The following TOP1MT variants were observed in gnomAD, a reference collection of about 807,000 sequenced individuals.
TOP1MT encodes DNA topoisomerase I, mitochondrial.
In TOP1MT, 80 loss-of-function variants were observed where a neutral mutation model predicts 73.9. The observed-to-expected ratio is 1.08, with a 90% CI of 0.90 to 1.30. The LOEUF (loss-of-function observed/expected upper bound fraction) is 1.30. Among genes scored for constraint, TOP1MT ranks in the 50% most tolerant of loss-of-function variants. The pLI is 0.00. For synonymous variants in TOP1MT, 338 were observed against 326.4 expected (o/e 1.04, Z -0.38); for missense variants, 815 against 808.0 (o/e 1.01, Z -0.10).
chr8:143,314,526 G>A (rs1160780703), intron 12 of TOP1MT, among the ~76,000 whole-genome samples: 2 of 151,080 alleles, frequency 1.3e-5, no homozygotes, highest in East Asian at 2.0e-4. Context: ...CCCGGGAGGC[G>A]GAGGTTGCAG....
chr8:143,353,244 A>C (rs1299085720), intron 1 of TOP1MT, among the ~76,000 whole-genome samples: 1 of 152,116 alleles, frequency 6.6e-6, no homozygotes, highest in East Asian at 1.9e-4. Flanking sequence ...GGGAGACCCC[A>C]TCTCTACCAA....
chr8:143,310,209 T>C lies in TOP1MT; in HGVS notation c.1562A>G (p.Glu521Gly), dbSNP rs572324632. ...CTTCTCCAGGAGCCGCCTCTTCTTC[T>C]CCAGGACACTGGCAAGAGAAGAGGA... Reference protein sequence around the residue: ...QGDGKSRSVLEKKRRLLEKLQ... With the variant: ...QGDGKSRSVLGKKRRLLEKLQ... The change falls in exon 13 of 14, where the codon GAG becomes GGG. Residue 521 changes from glutamate (E) to glycine (G), a missense_variant. Glu to Gly is a moderately conservative substitution (Grantham distance 98). Around this residue, in one of 3 missense-constraint regions of TOP1MT, gnomAD observed 751 missense variants for 725.4 expected, o/e 1.04. Transcript: ENST00000329245. 1 of 1,565,542 alleles carries C rather than the reference T, an allele frequency of 6.4e-7. No homozygotes were observed. Among genetic ancestry groups the C allele is most frequent in the African/African-American group, 1.4e-5 (1 of 73,626 alleles).
At chr8:143,331,395 T>C in intron 1 of TOP1MT, 56 bp from the exon 2 acceptor site, 2 of 1,464,146 alleles carry the variant, frequency 1.4e-6, no homozygotes, top group Non-Finnish European at 1.9e-6. Context: ...CATGAGCCTC[T>C]TCCCCGCTCC....
intron 12 of TOP1MT, among the ~76,000 whole-genome samples, chr8:143,313,903 C>T (rs75795354): frequency 0.02 from 3,095 of 151,550 alleles, 109 homozygotes; most frequent in African/African-American, 0.071. Context: ...CAAGAGTGGG[C>T]GAAACATCGA....
intron 1 of TOP1MT, among the ~76,000 whole-genome samples, chr8:143,333,533 T>C (rs2130349282): frequency 6.6e-6 from 1 of 152,330 alleles, no homozygotes; most frequent in South Asian, 2.1e-4. Context: ...GGTAGTCACA[T>C]CACCAGTCTC....
intron 1 of TOP1MT, among the ~76,000 whole-genome samples, chr8:143,331,583 CCAAGCCCAGCTAAGCGGGAAAGGG>C (rs1436242049): frequency 6.6e-6 from 1 of 152,316 alleles, no homozygotes; most frequent in African/African-American, 2.4e-5. Context: ...ACGGATCCCA[CCAAGCCCAGCTAAGCGGGAAAGGG>C]CAAGCCCAGC....
intron 1 of TOP1MT, chr8:143,343,447 A>G (rs1817166763): frequency 2.9e-6 from 1 of 350,214 alleles, no homozygotes; most frequent in African/African-American, 2.1e-5. Context: ...CTGGTGACCC[A>G]CGTGCTGGGC....
rs1420531347 is a variant in TOP1MT at position 143,321,956 on chromosome 8, C to T, written c.961-570G>A. Among the ~76,000 whole-genome samples, 99 of 130,532 alleles carry T rather than the reference C, an allele frequency of 7.6e-4. 2 individuals carry two copies. Among genetic ancestry groups the T allele is most frequent in the African/African-American group, 2.8e-3 (93 of 33,544 alleles). The allele number at this position is 130,532 out of a possible 152,430, so 85.6% of individuals were successfully genotyped here. On this transcript the variant is annotated intron_variant, in intron 7 of 13. Transcript: ENST00000329245. ...GCCACACACGCACGCCACACACGCA[C>T]GCCACACACATGCTCACCACACGCA...
upstream of TOP1MT, among the ~76,000 whole-genome samples, chr8:143,337,515 C>T (rs1475481545): frequency 2.0e-5 from 3 of 152,160 alleles, no homozygotes; most frequent in Non-Finnish European, 2.9e-5. Flanking sequence ...CTAAAATTCA[C>T]AGGGAAATAC....
At chr8:143,335,892 A>G (rs1036989589), upstream of TOP1MT, among the ~76,000 whole-genome samples, 9 of 152,200 alleles carry the variant, frequency 5.9e-5, no homozygotes, top group African/African-American at 2.2e-4. Flanking sequence ...GAGGGCTGCA[A>G]TTGCTCGCTC....
intron 3 of TOP1MT, 79 bp from the exon 4 acceptor site, chr8:143,326,423 A>G (rs1007574661): frequency 6.3e-7 from 1 of 1,582,698 alleles, no homozygotes; most frequent in African/African-American, 1.3e-5. Context: ...TCTGACGGAC[A>G]GAAACGCGCT....
intron 5 of TOP1MT, among the ~76,000 whole-genome samples, 157 bp downstream of exon 5, chr8:143,325,189 C>T (rs959247526): frequency 6.6e-6 from 1 of 152,116 alleles, no homozygotes; most frequent in Non-Finnish European, 1.5e-5. Context: ...CCGCCCTTGC[C>T]CGGCCACGCC....
chr8:143,314,588 CA>C (rs57418152), intron 12 of TOP1MT, among the ~76,000 whole-genome samples: 2,787 of 99,640 alleles, frequency 0.028, 80 homozygotes, highest in African/African-American at 0.11. Flanking sequence ...GACTCCATCT[CA>C]AAAAAAAAAA....
chr8:143,329,942 TGGG>T (rs113536037), intron 2 of TOP1MT, among the ~76,000 whole-genome samples: 1 of 151,908 alleles, frequency 6.6e-6, no homozygotes, highest in Non-Finnish European at 1.5e-5. Context: ...GGTTTAGAGA[TGGG>T]GGGTGAGCTG....
upstream of TOP1MT, chr8:143,358,668 C>T (rs1405922348): frequency 6.6e-6 from 1 of 152,346 alleles, no homozygotes; most frequent in African/African-American, 2.4e-5. Context: ...GTGTCCCCAC[C>T]TGCAAGAAAA....
At chr8:143,320,941 C>CG (rs1356276529) in intron 8 of TOP1MT, among the ~76,000 whole-genome samples, 2 of 152,198 alleles carry the variant, frequency 1.3e-5, no homozygotes, top group African/African-American at 2.4e-5. Context: ...GATGCTCCGG[C>CG]CGGGGGGCAG....
intron 4 of TOP1MT, 134 bp downstream of exon 4, chr8:143,326,088 A>C: frequency 1.9e-6 from 2 of 1,031,598 alleles, no homozygotes; most frequent in Non-Finnish European, 2.8e-6. Flanking sequence ...AGGGGCGCTA[A>C]GGCTGACGAG....
At chr8:143,353,963 C>CCAAAAAAA (rs1309020931) in intron 1 of TOP1MT, among the ~76,000 whole-genome samples, 1 of 47,606 alleles carries the variant, frequency 2.1e-5, no homozygotes, top group African/African-American at 1.1e-4. Context: ...GACTCCATCC[C>CCAAAAAAA]AAAAAAAAAA....
At chr8:143,332,717 A>G (rs1334599604) in intron 1 of TOP1MT, 1 of 508,650 alleles carries the variant, frequency 2.0e-6, no homozygotes. Context: ...TAAAGTAGGG[A>G]GAAGTTAACG....
Sources: gnomAD v4.1 joint callset for allele counts (sites outside exome capture counted in the v4.1 genomes callset) on GRCh38, gnomAD v4.1.1 for gene constraint, gnomAD v4.1.1 regional missense constraint, MANE v1.5 for transcripts, NCBI Gene and HGNC (gene_info 2026-07-23, HGNC 2026-07-21) for gene names.